Variants in TRIM2 observed in about 807,000 individuals in gnomAD.
The protein encoded by TRIM2 is tripartite motif-containing protein 2.
In TRIM2, 20 loss-of-function variants were observed where a neutral mutation model predicts 75.2. The ratio of observed to expected loss-of-function variants is 0.27; its 90% confidence interval spans 0.19 to 0.39. TRIM2 has a LOEUF of 0.39. Ranked by LOEUF, TRIM2 falls within the 10% of genes least tolerant of loss-of-function variation. The probability of loss-of-function intolerance (pLI) is 1.00; values close to 1 mark genes in which losing one functional copy is unlikely to be tolerated. For synonymous variants in TRIM2, 373 were observed against 388.3 expected (o/e 0.96, Z 0.46); for missense variants, 660 against 990.8 (o/e 0.67, Z 4.48).
intron 1 of TRIM2, among the ~76,000 whole-genome samples, chr4:153,204,878 C>T (rs1216993662): frequency 6.6e-6 from 1 of 152,184 alleles, no homozygotes; most frequent in Non-Finnish European, 1.5e-5. Flanking sequence ...TATTTCCTAA[C>T]ATAGGTAGTC....
intron 1 of TRIM2, among the ~76,000 whole-genome samples, chr4:153,256,862 G>A (rs1752184885): frequency 1.3e-5 from 2 of 152,162 alleles, no homozygotes; most frequent in Admixed American, 6.5e-5. Flanking sequence ...CTGCCCTGGG[G>A]TAAATACCAA....
At position 153,337,113 on chromosome 4, in the gene TRIM2, C is replaced by T; in HGVS notation, c.*2147C>T. ...TTTCATTTTGCCACGTACTAACGTT[C>T]TGCACAAAAGACAGGCTAGACTCTT... On this transcript the variant is annotated 3_prime_UTR_variant, in exon 12 of 12. Coordinates refer to ENST00000338700, the MANE Select transcript of TRIM2 (RefSeq NM_015271.5). 1.0e-6 allele frequency: 1 copy of T among 985,394 alleles called. No individual in the cohort carries two copies. The highest frequency in any genetic ancestry group is 1.2e-6 in the Non-Finnish European group (1 of 829,912). The allele number at this position is 985,394 out of a possible 1,614,324, so 61.0% of individuals were successfully genotyped here. A position where few individuals can be genotyped will look rare whatever the true frequency, so the allele number is the denominator to read the frequency against.
chr4:153,187,991 C>T lies in TRIM2; in HGVS notation c.-49+34721C>T, dbSNP rs1732780702. 2.0e-5 allele frequency among the ~76,000 whole-genome samples: 3 copies of T among 152,114 alleles called. 1 individual carries two copies. Among genetic ancestry groups the T allele is most frequent in the Admixed American group, 1.3e-4 (2 of 15,270 alleles). Reference sequence around the variant, plus strand: ...CTTCATAGGCCAACTCTGGGAGGACCTCACAGGCTACAGGAGGAGGAAGTA... The same window carrying T: ...CTTCATAGGCCAACTCTGGGAGGACTTCACAGGCTACAGGAGGAGGAAGTA... On this transcript the variant is annotated intron_variant, in intron 1 of 11. Coordinates refer to the TRIM2 transcript ENST00000437508.
intron 1 of TRIM2, among the ~76,000 whole-genome samples, chr4:153,208,465 A>T (rs1229458255): frequency 6.6e-6 from 1 of 152,030 alleles, no homozygotes; most frequent in African/African-American, 2.4e-5. Context: ...ACAATAAATA[A>T]ATCTAAAACT....
chr4:153,289,106 T>C (rs914420084), intron 3 of TRIM2, among the ~76,000 whole-genome samples: 3 of 152,224 alleles, frequency 2.0e-5, no homozygotes. Flanking sequence ...TTTATTCCTC[T>C]TTGTGAACTT....
intron 1 of TRIM2, among the ~76,000 whole-genome samples, chr4:153,231,032 A>G (rs562980930): frequency 6.6e-6 from 1 of 152,354 alleles, no homozygotes; most frequent in Non-Finnish European, 1.5e-5. Context: ...CTTTTCCAGT[A>G]AAGGGGGAGT....
At chr4:153,177,204 CCTG>C (rs1253236898) in intron 1 of TRIM2, among the ~76,000 whole-genome samples, 1 of 152,220 alleles carries the variant, frequency 6.6e-6, no homozygotes, top group Admixed American at 6.5e-5. Context: ...CAAAAGGGCT[CCTG>C]CTGGCTCTTG....
chr4:153,274,908 C>T (rs137916545), intron 2 of TRIM2, among the ~76,000 whole-genome samples: 5 of 152,204 alleles, frequency 3.3e-5, no homozygotes, highest in Admixed American at 2.6e-4. Flanking sequence ...GGCTAGCTAC[C>T]TCTGTGACAT....
In TRIM2 at chr4:153,308,801, G is replaced by A. The variant is rs534755476; in HGVS notation, c.1511-6684G>A. ...GGGCTGGGCACCAAGACCTGAGAGCGTCCCCAGATGCTGAGCTGAAAATAT... is the reference window on the plus strand; with the variant it reads ...GGGCTGGGCACCAAGACCTGAGAGCATCCCCAGATGCTGAGCTGAAAATAT... On this transcript the variant is annotated intron_variant, in intron 6 of 11. Coordinates refer to ENST00000338700, the MANE Select transcript of TRIM2 (RefSeq NM_015271.5). 1.8e-4 allele frequency: 86 copies of A among 465,716 alleles called. 1 individual carries two copies. The highest frequency in any genetic ancestry group is 7.0e-4 in the South Asian group (40 of 57,446). The allele number at this position is 465,716 out of a possible 1,614,324, so 28.8% of individuals were successfully genotyped here.
In TRIM2 at chr4:153,324,826, G is replaced by A. The variant is rs145649814; in HGVS notation, c.2022+678G>A. Among the ~76,000 whole-genome samples the A allele has an allele frequency of 2.1e-3, 315 of 152,274 alleles. 1 individual carries two copies. Among genetic ancestry groups the A allele is most frequent in the African/African-American group, 7.3e-3 (302 of 41,564 alleles). On this transcript the variant is annotated intron_variant, in intron 10 of 11. Transcript: ENST00000338700. ...AGGTGTGATGCATGTTCCACTGAAG[G>A]TATGATCCGTGGCCATAGGCAGTAC...
intron 1 of TRIM2, among the ~76,000 whole-genome samples, chr4:153,167,435 G>A (rs953559442): frequency 3.3e-5 from 5 of 152,146 alleles, no homozygotes; most frequent in African/African-American, 4.8e-5. Context: ...TGAGGATGAC[G>A]CAATGGCAAA....
rs1249111532 is a variant in TRIM2, at chr4:153,335,744, G to A, written c.*778G>A. 42 of 985,656 alleles carry A rather than the reference G, an allele frequency of 4.3e-5. No homozygotes were observed. Among genetic ancestry groups the A allele is most frequent in the Admixed American group, 1.2e-4 (2 of 16,262 alleles). 61.1% of individuals were successfully genotyped at this position (985,656 alleles called of 1,614,324 possible). The stretch of plus-strand genomic sequence containing the variant: ...TACCTTTTGGGAAACAAACTGCCCC[G>A]TTAACTCCAGATCATTGCACTGGAA... On this transcript the variant is annotated 3_prime_UTR_variant, in exon 12 of 12. Transcript: ENST00000338700.
intron 3 of TRIM2, among the ~76,000 whole-genome samples, chr4:153,289,314 T>C (rs768196862): frequency 2.4e-4 from 36 of 152,180 alleles, no homozygotes; most frequent in Non-Finnish European, 2.5e-4. Context: ...ACTTTTATTA[T>C]CCAATGCAAC....
intron 1 of TRIM2, among the ~76,000 whole-genome samples, chr4:153,255,780 G>A (rs1403771816): frequency 2.0e-5 from 3 of 152,198 alleles, no homozygotes; most frequent in Non-Finnish European, 4.4e-5. Flanking sequence ...ACAAAGGAAC[G>A]AAATACTGAC....
Position 153,226,591 on chromosome 4 carries a change from C to T in TRIM2, c.30+22031C>T, listed in dbSNP as rs182274557. Among the ~76,000 whole-genome samples the T allele has an allele frequency of 7.9e-5, 12 of 152,296 alleles. No homozygotes were observed. The South Asian group carries it at 8.3e-4, about 11-fold the overall frequency. On this transcript the variant is annotated intron_variant, in intron 1 of 11. Transcript: ENST00000338700. ...TTCAGAATGTCTGCTGTTTGAGGGA[C>T]GCCTTTTTTAGTTTAATGCAGTCAT...
chr4:153,229,473 G>A (rs546281965), intron 1 of TRIM2, among the ~76,000 whole-genome samples: 3 of 152,234 alleles, frequency 2.0e-5, no homozygotes, highest in East Asian at 1.9e-4. Flanking sequence ...GCCCAGGCTC[G>A]TCTCAAATTC....
At chr4:153,188,731 C>T (rs2149654007) in intron 1 of TRIM2, among the ~76,000 whole-genome samples, 1 of 151,544 alleles carries the variant, frequency 6.6e-6, no homozygotes, top group Admixed American at 6.6e-5. Context: ...GAGTTTGAGA[C>T]CGGCCTTTCC....
chr4:153,268,065 G>A (rs1020161047), intron 1 of TRIM2, among the ~76,000 whole-genome samples: 3 of 152,208 alleles, frequency 2.0e-5, no homozygotes, highest in African/African-American at 4.8e-5. Flanking sequence ...GTCAAAGCGA[G>A]GTTTTCTTGC....
chr4:153,191,484 G>C (rs906330632), intron 1 of TRIM2, among the ~76,000 whole-genome samples: 1 of 152,236 alleles, frequency 6.6e-6, no homozygotes, highest in Non-Finnish European at 1.5e-5. Flanking sequence ...AGGAACACAG[G>C]TTACTTTAAA....
Sources: allele counts gnomAD v4.1 joint callset (sites outside exome capture counted in the v4.1 genomes callset), GRCh38; gene constraint gnomAD v4.1.1; transcripts MANE v1.5; gene names NCBI Gene and HGNC (gene_info 2026-07-23, HGNC 2026-07-21).